The following KLF12 variants were observed in gnomAD, a reference collection of about 807,000 sequenced individuals.
KLF12 encodes the protein Krueppel-like factor 12.
KLF12 carries 9 observed loss-of-function variants against 37.8 expected under a neutral mutation model. The ratio of observed to expected loss-of-function variants is 0.24; its 90% CI spans 0.14 to 0.42. The LOEUF (loss-of-function observed/expected upper bound fraction) is 0.42, where lower values mean the gene tolerates loss of function less well. Ranked by LOEUF, KLF12 falls within the 10% of genes least tolerant of loss-of-function variation. The probability of loss-of-function intolerance (pLI) is 1.00; values close to 1 mark genes in which losing one functional copy is unlikely to be tolerated. For missense variants in KLF12, 411 were observed against 516.0 expected (o/e 0.80, Z 1.97); for synonymous variants, 208 against 202.1 (o/e 1.03, Z -0.25).
chr13:74,249,974 C>G, the KLF12 span, among the ~76,000 whole-genome samples: 3 of 152,092 alleles, frequency 2.0e-5, no homozygotes, highest in Admixed American at 6.5e-5. Flanking sequence ...AACTTTGTAA[C>G]CAAAATAGTC....
intron 1 of KLF12, among the ~76,000 whole-genome samples, chr13:74,069,930 A>G (rs942965894): frequency 2.0e-5 from 3 of 152,236 alleles, no homozygotes; most frequent in African/African-American, 7.2e-5. Flanking sequence ...TGTGAACATG[A>G]TGAGTTTGAA....
At chr13:73,786,210 C>T (rs147907683) in intron 5 of KLF12, among the ~76,000 whole-genome samples, 4 of 152,274 alleles carry the variant, frequency 2.6e-5, no homozygotes, top group East Asian at 1.9e-4. Flanking sequence ...TTGCTAGAAG[C>T]GTCCTCTGGC....
the KLF12 span, among the ~76,000 whole-genome samples, chr13:74,179,043 G>C: frequency 5.9e-5 from 9 of 152,320 alleles, no homozygotes. Context: ...TGTCTACTAT[G>C]TCCATGTGCT....
At chr13:74,128,989 T>C (rs935952577) in intron 1 of KLF12, among the ~76,000 whole-genome samples, 3 of 152,144 alleles carry the variant, frequency 2.0e-5, no homozygotes, top group African/African-American at 7.2e-5. Context: ...AAATACTAAA[T>C]ATACACATAC....
At chr13:74,241,817 T>C in the KLF12 span, among the ~76,000 whole-genome samples, 3 of 152,066 alleles carry the variant, frequency 2.0e-5, no homozygotes, top group African/African-American at 4.8e-5. Flanking sequence ...GCACGGTGCA[T>C]GCACCCACTG....
At chr13:73,916,494 A>G (rs918003864) in intron 3 of KLF12, among the ~76,000 whole-genome samples, 1 of 152,180 alleles carries the variant, frequency 6.6e-6, no homozygotes, top group Non-Finnish European at 1.5e-5. Context: ...AGAATCCTCA[A>G]AAGTAAAAAA....
At chr13:73,889,452 C>G (rs553116144) in intron 3 of KLF12, among the ~76,000 whole-genome samples, 1 of 152,236 alleles carries the variant, frequency 6.6e-6, no homozygotes, top group South Asian at 2.1e-4. Context: ...TTATTACGCT[C>G]ACTTTGCACA....
intron 3 of KLF12, among the ~76,000 whole-genome samples, chr13:73,883,140 T>C (rs1887060817): frequency 6.6e-6 from 1 of 152,232 alleles, no homozygotes; most frequent in South Asian, 2.1e-4. Flanking sequence ...AAATACATTC[T>C]GAAGTTTGTT....
intron 4 of KLF12, among the ~76,000 whole-genome samples, chr13:73,840,254 T>C (rs571834338): frequency 5.3e-5 from 8 of 152,122 alleles, no homozygotes; most frequent in African/African-American, 9.6e-5. Context: ...AACAGATGAG[T>C]TTCCATGCTG....
chr13:73,779,929 A>G (rs1000396707), intron 5 of KLF12, among the ~76,000 whole-genome samples: 2 of 152,234 alleles, frequency 1.3e-5, no homozygotes, highest in Non-Finnish European at 2.9e-5. Flanking sequence ...AGGATTCACC[A>G]TTCTAGATGC....
At chr13:73,841,946 T>C (rs1319451434) in intron 4 of KLF12, among the ~76,000 whole-genome samples, 2 of 152,146 alleles carry the variant, frequency 1.3e-5, no homozygotes, top group Admixed American at 1.3e-4. Flanking sequence ...CATCATTCCA[T>C]TTTTCTTCAT....
intron 7 of KLF12, among the ~76,000 whole-genome samples, chr13:73,702,910 C>T (rs757933638): frequency 7.2e-5 from 11 of 152,188 alleles, no homozygotes; most frequent in Non-Finnish European, 1.2e-4. Flanking sequence ...AACCTAGAGG[C>T]GGGGAAAGAG....
chr13:73,884,617 T>G (rs1047306982), intron 3 of KLF12, among the ~76,000 whole-genome samples: 1 of 152,236 alleles, frequency 6.6e-6, no homozygotes, highest in East Asian at 1.9e-4. Context: ...CCAACAGAAC[T>G]TTCTGCATGA....
At chr13:74,210,403 C>T in the KLF12 span, among the ~76,000 whole-genome samples, 1 of 152,274 alleles carries the variant, frequency 6.6e-6, no homozygotes, top group African/African-American at 2.4e-5. Context: ...CCTGCAACTG[C>T]TTACCATCAA....
the KLF12 span, among the ~76,000 whole-genome samples, chr13:74,277,369 A>C: frequency 6.6e-6 from 1 of 152,146 alleles, no homozygotes; most frequent in Non-Finnish European, 1.5e-5. Flanking sequence ...GCCCAACAGG[A>C]TGTGGTTCCT....
chr13:74,064,453 G>T (rs1159548054), intron 1 of KLF12, among the ~76,000 whole-genome samples: 1 of 152,122 alleles, frequency 6.6e-6, no homozygotes, highest in Non-Finnish European at 1.5e-5. Flanking sequence ...AGACATGGGT[G>T]GCTGCAATCG....
chr13:74,174,335 C>CTTTT, the KLF12 span, among the ~76,000 whole-genome samples: 11 of 133,162 alleles, frequency 8.3e-5, no homozygotes, highest in African/African-American at 2.3e-4. Context: ...TCTTTCTTTT[C>CTTTT]TTTTTTTTTT....
the KLF12 span, among the ~76,000 whole-genome samples, chr13:74,275,855 T>TTTCATCTTTCTTTC: frequency 8.1e-6 from 1 of 123,710 alleles, no homozygotes; most frequent in African/African-American, 3.3e-5. Flanking sequence ...TCTTTCTTTC[T>TTTCATCTTTCTTTC]TTCTTTCTTT....
the KLF12 span, among the ~76,000 whole-genome samples, chr13:74,229,534 C>G: frequency 6.6e-6 from 1 of 152,094 alleles, no homozygotes; most frequent in African/African-American, 2.4e-5. Context: ...TCCTGTCAGA[C>G]TTGAAAGGGT....
Sources: allele counts gnomAD v4.1 joint callset (sites outside exome capture counted in the v4.1 genomes callset), GRCh38; gene constraint gnomAD v4.1.1; transcripts MANE v1.5; gene names NCBI Gene and HGNC (gene_info 2026-07-23, HGNC 2026-07-21).